Variants in RFX3 observed in about 807,000 individuals in gnomAD.
RFX3 encodes regulatory factor X3, also known as transcription factor RFX3.
Under a neutral mutation model 98.6 loss-of-function variants are expected in RFX3, and 14 were observed. That is an observed-to-expected ratio of 0.14 (90% CI 0.09 to 0.22). The LOEUF is 0.22. Among genes scored for constraint, RFX3 ranks in the 10% least tolerant of loss-of-function variants. The pLI is 1.00. For synonymous variants in RFX3, 383 were observed against 328.4 expected (o/e 1.17, Z -1.80); for missense variants, 639 against 926.9 (o/e 0.69, Z 4.03).
chr9:3,408,143 G>T (rs1348472586), intron 1 of RFX3, among the ~76,000 whole-genome samples: 2 of 152,116 alleles, frequency 1.3e-5, no homozygotes, highest in Non-Finnish European at 2.9e-5. Context: ...AGGTGCCAGG[G>T]GTTGTTGCTC....
At chr9:3,259,970 G>A (rs1054668183) in intron 13 of RFX3, among the ~76,000 whole-genome samples, 16 of 151,970 alleles carry the variant, frequency 1.1e-4, no homozygotes, top group African/African-American at 3.9e-4. Context: ...AAGCTGGGAC[G>A]ACTTCCAAAT....
In RFX3 at chr9:3,498,446, AAC is replaced by A. The variant is rs112645982; in HGVS notation, c.-9+27299_-9+27300del. On this transcript the variant is annotated intron_variant, in intron 1 of 16. Transcript: ENST00000617270. ...ACTACAAGGAGCTGCTGCAAAGTGA[AAC>A]AGAGGGCCACAGCAAGAGTGAGAAA... is the stretch of plus-strand genomic sequence containing the variant. 5.3e-5 allele frequency among the ~76,000 whole-genome samples: 8 copies of A among 152,166 alleles called. 1 individual carries two copies. The highest frequency in any genetic ancestry group is 1.3e-4 in the Admixed American group (2 of 15,266).
intron 1 of RFX3, among the ~76,000 whole-genome samples, chr9:3,519,439 T>A (rs1818489680): frequency 6.6e-6 from 1 of 152,210 alleles, no homozygotes; most frequent in Non-Finnish European, 1.5e-5. Flanking sequence ...GGTCAAAGGA[T>A]TCTTAGGTAG....
At chr9:3,410,427 C>T (rs1842368678) in intron 1 of RFX3, among the ~76,000 whole-genome samples, 1 of 152,000 alleles carries the variant, frequency 6.6e-6, no homozygotes, top group South Asian at 2.1e-4. Context: ...TACAAACTGA[C>T]TCTATTTATA....
chr9:3,414,085 G>C (rs1842683787), intron 1 of RFX3, among the ~76,000 whole-genome samples: 1 of 152,058 alleles, frequency 6.6e-6, no homozygotes, highest in Non-Finnish European at 1.5e-5. Context: ...TGAAAATTAT[G>C]TGTGTGTTGG....
Position 3,481,531 on chromosome 9 carries a change from A to T in RFX3, c.-9+44216T>A, listed in dbSNP as rs561424667. Among the ~76,000 whole-genome samples the T allele has an allele frequency of 1.8e-4, 27 of 152,114 alleles. No individual in the cohort carries two copies. The South Asian group carries it at 4.8e-3, about 27-fold the overall frequency. On this transcript the variant is annotated intron_variant, in intron 1 of 16. Coordinates refer to ENST00000617270, the MANE Select transcript of RFX3 (RefSeq NM_001282116.2). ...TTAACCTATCTAATGAATTATTTTG[A>T]ATTATAATGATCATGTTATAATGTG...
At chr9:3,371,974 A>G (rs1435870202) in intron 2 of RFX3, among the ~76,000 whole-genome samples, 2 of 152,214 alleles carry the variant, frequency 1.3e-5, no homozygotes, top group Non-Finnish European at 2.9e-5. Context: ...GAAAATGTTT[A>G]GCCACAATAG....
intron 1 of RFX3, among the ~76,000 whole-genome samples, chr9:3,467,347 A>G (rs1397192613): frequency 1.3e-5 from 2 of 148,764 alleles, no homozygotes; most frequent in African/African-American, 2.5e-5. Flanking sequence ...TGTGTGTGTA[A>G]TTAAGTCTAT....
At chr9:3,491,876 T>C (rs1850746860) in intron 1 of RFX3, among the ~76,000 whole-genome samples, 1 of 152,172 alleles carries the variant, frequency 6.6e-6, no homozygotes, top group African/African-American at 2.4e-5. Flanking sequence ...GTATCACACA[T>C]ACAAAAATTA....
In RFX3 at chr9:3,353,433, G is replaced by C. The variant is rs1200037169; in HGVS notation, c.118-6669C>G. On this transcript the variant is annotated intron_variant, in intron 2 of 16. Coordinates refer to ENST00000617270, the MANE Select transcript of RFX3 (RefSeq NM_001282116.2). The stretch of plus-strand genomic sequence containing the variant: ...GCAGAGTATTAAAGAAGGCATTAGA[G>C]AAAACGACAGCAACAGACCCAAGAG... Among the ~76,000 whole-genome samples the C allele has an allele frequency of 2.6e-5, 4 of 152,100 alleles. No homozygotes were observed. The East Asian group carries it at 7.7e-4, about 29-fold the overall frequency.
intron 1 of RFX3, among the ~76,000 whole-genome samples, chr9:3,419,320 G>C (rs566009816): frequency 1.5e-3 from 222 of 152,142 alleles, no homozygotes; most frequent in African/African-American, 5.2e-3. Flanking sequence ...AGTATCAAAA[G>C]GACAAGTTTT....
rs1170326543 is a variant in RFX3 at position 3,220,540 on chromosome 9, G to A, written c.*4502C>T. 6.6e-6 allele frequency: 1 copy of A among 151,744 alleles called. No homozygotes were observed. Among genetic ancestry groups the A allele is most frequent in the African/African-American group, 2.4e-5 (1 of 41,316 alleles). The allele number at this position is 151,744 out of a possible 1,614,324, so 9.4% of individuals were successfully genotyped here. On this transcript the variant is annotated 3_prime_UTR_variant, in exon 17 of 17. Transcript: ENST00000617270. ...ACAGTACACTTACTTAGATGGCAGT[G>A]AATATTTGGGAATAAATATATCAAG...
intron 2 of RFX3, among the ~76,000 whole-genome samples, chr9:3,385,109 T>A (rs573659364): frequency 2.2e-4 from 33 of 152,304 alleles, no homozygotes; most frequent in African/African-American, 7.7e-4. Context: ...TTAGCACACA[T>A]AAATAATTCT....
At chr9:3,313,702 T>G (rs573797443) in intron 4 of RFX3, among the ~76,000 whole-genome samples, 1 of 152,280 alleles carries the variant, frequency 6.6e-6, no homozygotes, top group African/African-American at 2.4e-5. Flanking sequence ...CTGAAAACCA[T>G]GGCATGAGAA....
chr9:3,329,935 T>C (rs1832395620), intron 4 of RFX3, among the ~76,000 whole-genome samples: 1 of 152,174 alleles, frequency 6.6e-6, no homozygotes, highest in Non-Finnish European at 1.5e-5. Context: ...AAGCATAATA[T>C]GAAAGTGAGT....
intron 7 of RFX3, among the ~76,000 whole-genome samples, chr9:3,286,827 T>C (rs150117850): frequency 6.6e-6 from 1 of 152,048 alleles, no homozygotes; most frequent in East Asian, 1.9e-4. Context: ...TCATGGACCA[T>C]TTACCACAGA....
intron 4 of RFX3, 25 bp from the exon 5 acceptor site, chr9:3,301,645 A>G (rs760639903): frequency 3.3e-6 from 5 of 1,534,552 alleles, no homozygotes; most frequent in South Asian, 2.3e-5. Context: ...CATTAAAAAA[A>G]GGGCTCAAGA....
chr9:3,321,481 G>A (rs1192346500), intron 4 of RFX3, among the ~76,000 whole-genome samples: 2 of 152,074 alleles, frequency 1.3e-5, no homozygotes, highest in Non-Finnish European at 1.5e-5. Flanking sequence ...ATGAAAGGTG[G>A]TATTTCTTTG....
At position 3,293,275 on chromosome 9, in the gene RFX3, C is replaced by G. The variant is rs763678501; in HGVS notation, c.550-17G>C. 3.2e-6 allele frequency: 5 copies of G among 1,561,834 alleles called. No homozygotes were observed. ...CCACTGGAGCTAGGGAAATAAGACA[C>G]AATAAACACAGACAAATCACATAAT... On this transcript the variant is annotated splice_polypyrimidine_tract_variant and intron_variant, in intron 5 of 16. Transcript: ENST00000617270.
Sources: gnomAD v4.1 joint callset for allele counts (sites outside exome capture counted in the v4.1 genomes callset) on GRCh38, gnomAD v4.1.1 for gene constraint, MANE v1.5 for transcripts, NCBI Gene and HGNC (gene_info 2026-07-23, HGNC 2026-07-21) for gene names.